KALRN: variants seen among roughly 807,000 people sequenced by gnomAD.
KALRN encodes the protein kalirin RhoGEF kinase.
In KALRN, 70 loss-of-function variants were observed where a neutral mutation model predicts 353.7. That is an observed-to-expected ratio of 0.20 (90% CI 0.16 to 0.24). KALRN has a LOEUF of 0.24. Among genes scored for constraint, KALRN ranks in the 10% least tolerant of loss-of-function variants. The pLI is 1.00. For missense variants in KALRN, 2,791 were observed against 3,756.7 expected (o/e 0.74, Z 6.72); for synonymous variants, 1,391 against 1,434.8 (o/e 0.97, Z 0.69).
intron 1 of KALRN, among the ~76,000 whole-genome samples, chr3:124,117,174 AC>A (rs1220493994): frequency 6.6e-6 from 1 of 152,114 alleles, no homozygotes; most frequent in African/African-American, 2.4e-5. Flanking sequence ...CAGATTTCAG[AC>A]CTTGCAGGCT....
chr3:124,694,653 T>G lies in KALRN; in HGVS notation c.7577+150T>G, dbSNP rs76527393. On this transcript the variant is annotated intron_variant, in intron 53 of 59. Coordinates refer to ENST00000682506, the MANE Select transcript of KALRN (RefSeq NM_001388419.1). ...CCTGTTCTTGGGCAAACACTTGGACTTGATTAGAGAGAGACTGAGGAGACT... is the reference window on the plus strand; with the variant it reads ...CCTGTTCTTGGGCAAACACTTGGACGTGATTAGAGAGAGACTGAGGAGACT... The G allele has an allele frequency of 3.4e-3, 2,498 of 744,176 alleles. 53 individuals are homozygous for G. The African/African-American group carries it at 0.04, about 12-fold the overall frequency. 46.1% of individuals were successfully genotyped at this position (744,176 alleles called of 1,614,324 possible). A position where few individuals can be genotyped will look rare whatever the true frequency, so the allele number is the denominator to read the frequency against.
At chr3:124,500,899 C>G (rs757845270) in intron 33 of KALRN, among the ~76,000 whole-genome samples, 7 of 152,132 alleles carry the variant, frequency 4.6e-5, no homozygotes, top group Non-Finnish European at 8.8e-5. Context: ...AAGAAATCTA[C>G]AATTATAGAA....
At chr3:124,139,896 C>G (rs1161931717) in intron 1 of KALRN, among the ~76,000 whole-genome samples, 2 of 152,122 alleles carry the variant, frequency 1.3e-5, no homozygotes, top group Non-Finnish European at 2.9e-5. Flanking sequence ...CTTGATCTCT[C>G]TAACTCTGCC....
chr3:124,249,854 C>T (rs2070871514), intron 3 of KALRN, among the ~76,000 whole-genome samples: 1 of 152,192 alleles, frequency 6.6e-6, no homozygotes, highest in Non-Finnish European at 1.5e-5. Flanking sequence ...CTTTGACCTC[C>T]CTTGTAATTC....
Position 124,430,717 on chromosome 3 carries a change from C to G in KALRN, c.2771C>G (p.Ser924Cys), listed in dbSNP as rs1022349879. The change falls in exon 16 of 60, where the codon TCT becomes TGT. Residue 924 changes from serine to cysteine, a missense_variant. Ser to Cys is a moderately radical substitution (Grantham distance 112, BLOSUM62 -1). Around this residue, in one of 11 missense-constraint regions of KALRN, gnomAD observed 452 missense variants for 575.8 expected, o/e 0.78. Coordinates refer to ENST00000682506, the MANE Select transcript of KALRN (RefSeq NM_001388419.1). ...AACGCCAGCCTGGTCAATGCCAGCT[C>G]TTTGTCGGAAGCAGAGCAGCTGCAG... The part of the protein sequence containing the change: ...MLNASLVNAS[S>C]LSEAEQLQRE... 2 of 1,614,174 alleles carry G rather than the reference C, an allele frequency of 1.2e-6. No individual in the cohort carries two copies. The highest frequency in any genetic ancestry group is 2.2e-5 in the South Asian group (2 of 91,078).
At chr3:124,412,430 G>A (rs368866933) in intron 13 of KALRN, among the ~76,000 whole-genome samples, 11 of 152,294 alleles carry the variant, frequency 7.2e-5, no homozygotes, top group African/African-American at 2.6e-4. Context: ...ACATGCTGTC[G>A]CCTTCAAGGG....
In KALRN at chr3:124,283,939, G is replaced by A. The variant is rs2075590604; in HGVS notation, c.969+14684G>A. Among the ~76,000 whole-genome samples the A allele has an allele frequency of 2.0e-5, 3 of 152,140 alleles. No individual in the cohort carries two copies. In the South Asian group the frequency reaches 6.2e-4, roughly 32 times the overall value. On this transcript the variant is annotated intron_variant, in intron 5 of 59. Transcript: ENST00000682506. The stretch of plus-strand genomic sequence containing the variant: ...ACCCAGAGGAAGTGGAAAGAGACTA[G>A]CATACATTCTGGATCTGCTATGTAT...
intron 33 of KALRN, among the ~76,000 whole-genome samples, chr3:124,501,829 G>A (rs1231714385): frequency 6.6e-6 from 1 of 152,220 alleles, no homozygotes; most frequent in Non-Finnish European, 1.5e-5. Flanking sequence ...TGTTCTCCAT[G>A]CTAGGAGTAC....
rs2060348056 is a variant in KALRN at position 124,078,025 on chromosome 3, C to T, written c.73+44212C>T. Among the ~76,000 whole-genome samples the T allele has an allele frequency of 2.0e-5, 3 of 152,286 alleles. 1 individual carries two copies. The South Asian group carries it at 6.2e-4, about 32-fold the overall frequency. On this transcript the variant is annotated intron_variant, in intron 1 of 59. Transcript: ENST00000682506. ...GTAAAGCAGTTAGCCTGGCATATACCGACTACTCAAAGGTATTATTCAAGG... is the reference window on the plus strand; with the variant it reads ...GTAAAGCAGTTAGCCTGGCATATACTGACTACTCAAAGGTATTATTCAAGG...
intron 1 of KALRN, among the ~76,000 whole-genome samples, chr3:124,180,921 T>C (rs956719581): frequency 6.6e-6 from 1 of 151,882 alleles, no homozygotes; most frequent in Non-Finnish European, 1.5e-5. Context: ...AATCCATTAA[T>C]AAGTCAGGTA....
At chr3:124,551,333 G>A (rs1447173363) in intron 33 of KALRN, among the ~76,000 whole-genome samples, 1 of 152,190 alleles carries the variant, frequency 6.6e-6, no homozygotes, top group African/African-American at 2.4e-5. Context: ...CAGGGATAAG[G>A]GGAAACCCTA....
Position 124,309,744 on chromosome 3 carries a change from A to G in KALRN, c.1092+10831A>G, listed in dbSNP as rs577027816. 1.2e-3 allele frequency among the ~76,000 whole-genome samples: 180 copies of G among 152,296 alleles called. 1 individual carries two copies. Among genetic ancestry groups the G allele is most frequent in the African/African-American group, 4.0e-3 (168 of 41,562 alleles). The stretch of plus-strand genomic sequence containing the variant: ...TTGACAAAATCCAACACCTATTCAT[A>G]ATAAAAATACTCAACAAACTAGGAA... On this transcript the variant is annotated intron_variant, in intron 6 of 59. Transcript: ENST00000682506.
chr3:124,206,219 C>T lies in KALRN; in HGVS notation c.74-21771C>T, dbSNP rs117928530. ...GTTCCTGGTTGATGACAACCCAGGA[C>T]TTACCCTTTCTATTCAGTAGCTTTG... On this transcript the variant is annotated intron_variant, in intron 1 of 59. Transcript: ENST00000682506. Among the ~76,000 whole-genome samples the T allele has an allele frequency of 9.1e-4, 138 of 152,322 alleles. No individual in the cohort carries two copies. The East Asian group carries it at 0.015, about 16-fold the overall frequency.
intron 5 of KALRN, among the ~76,000 whole-genome samples, chr3:124,296,865 G>T (rs1307402265): frequency 6.6e-6 from 1 of 152,204 alleles, no homozygotes; most frequent in Non-Finnish European, 1.5e-5. Flanking sequence ...TGACTCAGGT[G>T]TCACCTCCTC....
chr3:124,659,305 A>T, intron 42 of KALRN, 60 bp from the exon 43 acceptor site: 1 of 1,156,512 alleles, frequency 8.6e-7, no homozygotes, highest in Non-Finnish European at 1.3e-6. Context: ...TTGAACCCTT[A>T]TTCAAAGCAC....
At chr3:124,613,946 G>A (rs1405186097) in intron 34 of KALRN, among the ~76,000 whole-genome samples, 2 of 152,164 alleles carry the variant, frequency 1.3e-5, no homozygotes, top group Non-Finnish European at 2.9e-5. Context: ...TATTTGGGTA[G>A]TTACAGAGCC....
chr3:124,687,875 TGAA>T (rs1420162542), intron 51 of KALRN, among the ~76,000 whole-genome samples: 4 of 146,950 alleles, frequency 2.7e-5, no homozygotes, highest in African/African-American at 9.7e-5. Flanking sequence ...AAATCATAGT[TGAA>T]GAAAAACACT....
intron 33 of KALRN, among the ~76,000 whole-genome samples, chr3:124,500,893 A>T (rs1242671643): frequency 6.6e-6 from 1 of 152,222 alleles, no homozygotes; most frequent in African/African-American, 2.4e-5. Flanking sequence ...CTTTAGAAGA[A>T]ATCTACAATT....
intron 3 of KALRN, among the ~76,000 whole-genome samples, chr3:124,254,601 T>A (rs957016728): frequency 4.6e-5 from 7 of 152,184 alleles, no homozygotes; most frequent in Admixed American, 2.0e-4. Context: ...ATGAGTTTCA[T>A]CTGAGGAATT....
Sources: gnomAD v4.1 joint callset for allele counts (sites outside exome capture counted in the v4.1 genomes callset) on GRCh38, gnomAD v4.1.1 for gene constraint, gnomAD v4.1.1 regional missense constraint, MANE v1.5 for transcripts, NCBI Gene and HGNC (gene_info 2026-07-23, HGNC 2026-07-21) for gene names.